RORA: variants seen among roughly 807,000 people sequenced by gnomAD.
The protein encoded by RORA is nuclear receptor ROR-alpha.
In RORA, 7 loss-of-function variants were observed where a neutral mutation model predicts 69.5. That is an observed-to-expected ratio of 0.10 (90% CI 0.06 to 0.19). The LOEUF (loss-of-function observed/expected upper bound fraction) is 0.19. Ranked by LOEUF, RORA falls within the 10% of genes least tolerant of loss-of-function variation. RORA has a pLI of 1.00. For synonymous variants in RORA, 261 were observed against 240.8 expected, an observed-to-expected ratio of 1.08 and a Z score of -0.78; for missense variants, 457 against 663.0, an observed-to-expected ratio of 0.69 and a Z score of 3.41.
At chr15:61,081,033 G>A (rs1022773259) in intron 1 of RORA, among the ~76,000 whole-genome samples, 3 of 152,210 alleles carry the variant, frequency 2.0e-5, no homozygotes, top group South Asian at 2.1e-4. Context: ...AAGCAATAAA[G>A]TGAAGTCACA....
chr15:61,125,247 T>C (rs1206371502), intron 1 of RORA, among the ~76,000 whole-genome samples: 1 of 152,224 alleles, frequency 6.6e-6, no homozygotes, highest in East Asian at 1.9e-4. Context: ...GGGATAAGGA[T>C]ACTAAAAAAC....
In RORA at chr15:60,928,687, A is replaced by G. The variant is rs185254426; in HGVS notation, c.167-250001T>C. 4.9e-4 allele frequency among the ~76,000 whole-genome samples: 75 copies of G among 152,268 alleles called. 1 individual carries two copies. Among genetic ancestry groups the G allele is most frequent in the Middle Eastern group, 6.8e-3 (2 of 294 alleles). The stretch of plus-strand genomic sequence containing the variant: ...AGGAAGGCATCTGAAGCTCAGAGAG[A>G]CAAAGTGACCGCCCTAAAGTCCCAC... On this transcript the variant is annotated intron_variant, in intron 1 of 10. Transcript: ENST00000335670.
At chr15:60,909,986 A>C (rs757724875) in intron 1 of RORA, among the ~76,000 whole-genome samples, 4 of 152,236 alleles carry the variant, frequency 2.6e-5, no homozygotes, top group Non-Finnish European at 5.9e-5. Flanking sequence ...TGATTCCTGC[A>C]GAAAAATCTA....
At chr15:60,810,979 G>T (rs1184376189) in intron 1 of RORA, among the ~76,000 whole-genome samples, 1 of 152,172 alleles carries the variant, frequency 6.6e-6, no homozygotes, top group Admixed American at 6.6e-5. Flanking sequence ...AGACTAGTCA[G>T]ATACCACAGA....
chr15:60,634,773 C>G (rs1432012682), intron 2 of RORA, among the ~76,000 whole-genome samples: 1 of 152,166 alleles, frequency 6.6e-6, no homozygotes, highest in African/African-American at 2.4e-5. Flanking sequence ...CCCCCTAGCC[C>G]CATTGAATAC....
rs1021989771 is a variant in RORA at position 60,531,044 on chromosome 15, A to G, written c.282+722T>C. ...TCTGTTTCTCATCTGCACATTATGC[A>G]TGTGCTGTACACATTGCCCCATGAC... On this transcript the variant is annotated intron_variant, in intron 3 of 10. Coordinates refer to ENST00000335670, the MANE Select transcript of RORA (RefSeq NM_134261.3). The surrounding 1 kb of genome is among the most constrained non-coding windows in gnomAD (Gnocchi z 4.8). 1.3e-5 allele frequency: 2 copies of G among 152,260 alleles called. No individual in the cohort carries two copies. Among genetic ancestry groups the G allele is most frequent in the Non-Finnish European group, 2.9e-5 (2 of 68,048 alleles). 9.4% of individuals were successfully genotyped at this position (152,260 alleles called of 1,614,324 possible). A position where few individuals can be genotyped will look rare whatever the true frequency, so the allele number is the denominator to read the frequency against.
At chr15:60,957,681 T>C (rs1893307790) in intron 1 of RORA, among the ~76,000 whole-genome samples, 2 of 152,182 alleles carry the variant, frequency 1.3e-5, no homozygotes, top group South Asian at 4.1e-4. Flanking sequence ...GAAGGCTTCC[T>C]GGAGGAGGTC....
chr15:60,850,634 T>C (rs1236584987), intron 1 of RORA, among the ~76,000 whole-genome samples: 1 of 152,148 alleles, frequency 6.6e-6, no homozygotes, highest in Non-Finnish European at 1.5e-5. Flanking sequence ...GATCATGTTT[T>C]CCCCCTCTTA....
rs1169494454 is a variant in RORA at position 60,511,090 on chromosome 15, G to A, written c.820+136C>T. 1.1e-6 allele frequency: 1 copy of A among 932,294 alleles called. No homozygotes were observed. Among genetic ancestry groups the A allele is most frequent in the East Asian group, 2.6e-5 (1 of 39,180 alleles). 57.8% of individuals were successfully genotyped at this position (932,294 alleles called of 1,614,324 possible). A position where few individuals can be genotyped will look rare whatever the true frequency, so the allele number is the denominator to read the frequency against. ...AGAGGGTCAAAAGCAAGGGGGCAGG[G>A]CAGAAAATTAAGTGGCCCAAATGGT... On this transcript the variant is annotated intron_variant, in intron 5 of 10. Coordinates refer to ENST00000335670, the MANE Select transcript of RORA (RefSeq NM_134261.3). The surrounding 1 kb of genome is among the most constrained non-coding windows in gnomAD (Gnocchi z 6.4).
intron 2 of RORA, among the ~76,000 whole-genome samples, chr15:60,669,438 C>T (rs1188857113): frequency 6.6e-6 from 1 of 151,890 alleles, no homozygotes; most frequent in African/African-American, 2.4e-5. Flanking sequence ...AAAAATGTCA[C>T]CTGGGTTCAG....
At position 60,522,173 on chromosome 15, in the gene RORA, T is replaced by A. The variant is rs575971892; in HGVS notation, c.283-7416A>T. ...ACTGATGCATTCCTGACATAAAAAA[T>A]TAACTACTTTTTAATGATTATTTTA... On this transcript the variant is annotated intron_variant, in intron 3 of 10. Coordinates refer to ENST00000335670, the MANE Select transcript of RORA (RefSeq NM_134261.3). 2.6e-5 allele frequency among the ~76,000 whole-genome samples: 4 copies of A among 152,268 alleles called. No individual in the cohort carries two copies. The South Asian group carries it at 6.2e-4, about 24-fold the overall frequency.
intron 2 of RORA, among the ~76,000 whole-genome samples, chr15:60,629,602 G>T (rs1037286867): frequency 1.3e-5 from 2 of 152,194 alleles, no homozygotes; most frequent in Non-Finnish European, 2.9e-5. Flanking sequence ...GCTGTAAGAG[G>T]CCCTGAAATG....
intron 1 of RORA, among the ~76,000 whole-genome samples, chr15:60,890,582 G>A (rs1033990208): frequency 3.3e-5 from 5 of 152,174 alleles, no homozygotes; most frequent in African/African-American, 1.2e-4. Flanking sequence ...CCCTTCACAG[G>A]GACCAGAGAG....
chr15:60,585,311 A>C (rs1227992026), intron 2 of RORA, among the ~76,000 whole-genome samples: 1 of 152,240 alleles, frequency 6.6e-6, no homozygotes, highest in Non-Finnish European at 1.5e-5. Flanking sequence ...AAATATGCAA[A>C]TGAATGCTTG....
At chr15:60,702,290 A>C (rs879361532) in intron 1 of RORA, among the ~76,000 whole-genome samples, 6 of 152,094 alleles carry the variant, frequency 3.9e-5, no homozygotes, top group African/African-American at 7.2e-5. Flanking sequence ...CAGTGGTGCG[A>C]TCTAGGCTCT....
intron 1 of RORA, among the ~76,000 whole-genome samples, chr15:60,921,510 G>A (rs1215346745): frequency 1.3e-5 from 2 of 152,176 alleles, no homozygotes; most frequent in South Asian, 2.1e-4. Flanking sequence ...CAAGACAGTG[G>A]TTACCTCTGA....
intron 1 of RORA, among the ~76,000 whole-genome samples, chr15:60,817,621 G>T (rs1014852694): frequency 6.6e-6 from 1 of 152,104 alleles, no homozygotes; most frequent in South Asian, 2.1e-4. Context: ...TCTCCTTGGC[G>T]CCCTGACACA....
rs1312964567 is a variant in RORA at position 60,491,448 on chromosome 15, A to G, written c.*6007T>C. 1 of 152,158 alleles carries G rather than the reference A, an allele frequency of 6.6e-6. No homozygotes were observed. The highest frequency in any genetic ancestry group is 1.9e-4 in the East Asian group (1 of 5,196). The allele number at this position is 152,158 out of a possible 1,614,324, so 9.4% of individuals were successfully genotyped here. On this transcript the variant is annotated 3_prime_UTR_variant, in exon 11 of 11. Coordinates refer to ENST00000335670, the MANE Select transcript of RORA (RefSeq NM_134261.3). ...GCAAACACAGATTTCCTAGGCATCT[A>G]TTTAAAATATTCATATTCACTTTCT...
intron 1 of RORA, among the ~76,000 whole-genome samples, chr15:60,771,100 A>C (rs1595701838): frequency 6.6e-6 from 1 of 152,328 alleles, no homozygotes; most frequent in East Asian, 1.9e-4. Context: ...ATAAGGGAAC[A>C]AGCTTTAACT....
Sources: allele counts gnomAD v4.1 joint callset (sites outside exome capture counted in the v4.1 genomes callset), GRCh38; gene constraint gnomAD v4.1.1; non-coding constraint Gnocchi (gnomAD v3.1); transcripts MANE v1.5; gene names NCBI Gene and HGNC (gene_info 2026-07-23, HGNC 2026-07-21).